The following MACROD2 variants were observed in gnomAD, a reference collection of about 807,000 sequenced individuals.
MACROD2 encodes ADP-ribose glycohydrolase MACROD2.
In MACROD2, 36 loss-of-function variants were observed where a neutral mutation model predicts 70.4. That is an observed-to-expected ratio of 0.51 (90% CI 0.39 to 0.68). The LOEUF (loss-of-function observed/expected upper bound fraction) is 0.68, where lower values mean the gene tolerates loss of function less well. MACROD2 is among the 30% of genes least tolerant of loss of function. MACROD2 has a pLI of 0.00. For missense variants in MACROD2, 496 were observed against 538.4 expected, an observed-to-expected ratio of 0.92 and a Z score of 0.78; for synonymous variants, 172 against 178.8, an observed-to-expected ratio of 0.96 and a Z score of 0.30.
intron 3 of MACROD2, among the ~76,000 whole-genome samples, chr20:14,243,671 T>G (rs2081946920): frequency 6.6e-6 from 1 of 152,190 alleles, no homozygotes; most frequent in Non-Finnish European, 1.5e-5. Context: ...GTGAAGAACT[T>G]AACTCTTTAA....
Position 15,986,776 on chromosome 20 carries a change from G to T in MACROD2, c.1035G>T (p.Ser345=), listed in dbSNP as rs748741601. ...ATGAAATAAAAATTGAAACAGAATC[G>T]CAGAGCTCATATATGGAAACAGAAG... ...TKNEIKIETE[S]QSSYMETEEL... Residue 345 remains serine, a synonymous_variant, in exon 14 of 18, where the codon TCG becomes TCT. Transcript: ENST00000684519. 1.2e-6 allele frequency: 2 copies of T among 1,613,002 alleles called. No individual in the cohort carries two copies. The highest frequency in any genetic ancestry group is 2.2e-5 in the South Asian group (2 of 91,004).
intron 5 of MACROD2, among the ~76,000 whole-genome samples, chr20:14,747,366 G>A (rs74517615): frequency 0.035 from 5,269 of 152,240 alleles, 129 homozygotes; most frequent in Non-Finnish European, 0.05. Context: ...AGGCAGAGGA[G>A]AATGAAGAGT....
At chr20:14,191,431 T>C (rs940734877) in intron 3 of MACROD2, among the ~76,000 whole-genome samples, 1 of 152,196 alleles carries the variant, frequency 6.6e-6, no homozygotes, top group Non-Finnish European at 1.5e-5. Context: ...AAATGGTATA[T>C]AATCCGGTCA....
intron 3 of MACROD2, among the ~76,000 whole-genome samples, chr20:14,271,063 G>C (rs1166495740): frequency 6.6e-6 from 1 of 152,226 alleles, no homozygotes; most frequent in East Asian, 1.9e-4. Flanking sequence ...TCTGGGGACA[G>C]GGCACAGACA....
chr20:15,516,556 G>A (rs1244926788), intron 8 of MACROD2, among the ~76,000 whole-genome samples: 2 of 152,168 alleles, frequency 1.3e-5, no homozygotes, highest in Non-Finnish European at 2.9e-5. Context: ...CGGGTGCTGG[G>A]CAGAGGACAG....
At chr20:14,858,340 G>A in intron 5 of MACROD2, among the ~76,000 whole-genome samples, 1 of 152,046 alleles carries the variant, frequency 6.6e-6, no homozygotes, top group East Asian at 1.9e-4. Flanking sequence ...GACCTGTTGA[G>A]CCCTTGGACC....
intron 3 of MACROD2, among the ~76,000 whole-genome samples, chr20:14,289,133 C>T (rs903268114): frequency 6.6e-6 from 1 of 152,146 alleles, no homozygotes; most frequent in Non-Finnish European, 1.5e-5. Context: ...TCATGGCTGA[C>T]TCAGGTAGAA....
intron 3 of MACROD2, among the ~76,000 whole-genome samples, chr20:14,489,162 A>G (rs1049430957): frequency 6.6e-6 from 1 of 152,220 alleles, no homozygotes; most frequent in African/African-American, 2.4e-5. Context: ...CGTTAAGCCT[A>G]TTCTTAATTT....
chr20:14,246,538 G>A (rs893600723), intron 3 of MACROD2, among the ~76,000 whole-genome samples: 2 of 151,932 alleles, frequency 1.3e-5, no homozygotes, highest in Admixed American at 6.6e-5. Flanking sequence ...CCTCTTCTTT[G>A]TATAGACTAC....
At chr20:14,620,917 G>C (rs1983791677) in intron 4 of MACROD2, among the ~76,000 whole-genome samples, 1 of 152,028 alleles carries the variant, frequency 6.6e-6, no homozygotes, top group African/African-American at 2.4e-5. Flanking sequence ...ATGAAGAAAG[G>C]AGGGTATTAT....
chr20:15,394,992 G>A (rs2146299063), intron 6 of MACROD2, among the ~76,000 whole-genome samples: 1 of 152,314 alleles, frequency 6.6e-6, no homozygotes, highest in Admixed American at 6.5e-5. Flanking sequence ...TCTTCAAAAT[G>A]CTGCCTGTCC....
At chr20:15,079,130 GAAA>G (rs1304226739) in intron 5 of MACROD2, among the ~76,000 whole-genome samples, 2 of 151,968 alleles carry the variant, frequency 1.3e-5, no homozygotes, top group Non-Finnish European at 2.9e-5. Flanking sequence ...CTTCTAGAAA[GAAA>G]AAAAGAATCA....
At chr20:15,060,656 G>A (rs991692073) in intron 5 of MACROD2, among the ~76,000 whole-genome samples, 2 of 152,076 alleles carry the variant, frequency 1.3e-5, no homozygotes, top group Admixed American at 6.5e-5. Flanking sequence ...CTTCTCCCAT[G>A]GCTTCATGTG....
At chr20:15,623,213 AT>A (rs1245493678) in intron 8 of MACROD2, among the ~76,000 whole-genome samples, 1 of 152,204 alleles carries the variant, frequency 6.6e-6, no homozygotes, top group East Asian at 1.9e-4. Context: ...TTATTTTTAA[AT>A]AACTAGAGTT....
rs933472921 is a variant in MACROD2, at chr20:14,802,922, A to G, written c.418+117963A>G. Among the ~76,000 whole-genome samples, 66 of 151,950 alleles carry G rather than the reference A, an allele frequency of 4.3e-4. 1 individual carries two copies. Among genetic ancestry groups the G allele is most frequent in the African/African-American group, 1.5e-3 (64 of 41,356 alleles). ...TATTAGAGATATGCCTACCATTGGC[A>G]TTCTACTATGATTCAATTTTTTATT... On this transcript the variant is annotated intron_variant, in intron 5 of 17. Transcript: ENST00000684519.
chr20:14,844,423 G>A (rs905604711), intron 5 of MACROD2, among the ~76,000 whole-genome samples: 7 of 151,782 alleles, frequency 4.6e-5, no homozygotes, highest in Admixed American at 1.3e-4. Flanking sequence ...AGGCTGAGAC[G>A]GGAGAATCGC....
intron 4 of MACROD2, among the ~76,000 whole-genome samples, chr20:14,528,524 T>A (rs1040617606): frequency 6.6e-6 from 1 of 152,168 alleles, no homozygotes; most frequent in African/African-American, 2.4e-5. Context: ...ATAGCTTTTT[T>A]GCTTATCCTC....
chr20:15,209,840 G>A (rs570853950), intron 5 of MACROD2, among the ~76,000 whole-genome samples: 13 of 152,292 alleles, frequency 8.5e-5, no homozygotes, highest in African/African-American at 3.1e-4. Flanking sequence ...ACATAGGAAG[G>A]GATCTACTTC....
chr20:14,696,986 T>C (rs2071133633), intron 5 of MACROD2, among the ~76,000 whole-genome samples: 1 of 152,202 alleles, frequency 6.6e-6, no homozygotes, highest in Non-Finnish European at 1.5e-5. Flanking sequence ...ATGTAGAACA[T>C]ATATTTCCTT....
Sources: allele counts gnomAD v4.1 joint callset (sites outside exome capture counted in the v4.1 genomes callset), GRCh38; gene constraint gnomAD v4.1.1; transcripts MANE v1.5; gene names NCBI Gene and HGNC (gene_info 2026-07-23, HGNC 2026-07-21).